Variants in FBRSL1 observed in about 807,000 individuals in gnomAD.
The protein encoded by FBRSL1 is fibrosin-1-like protein.
Under a neutral mutation model 89.6 loss-of-function variants are expected in FBRSL1, and 51 were observed. The observed-to-expected ratio is 0.57, with a 90% CI of 0.45 to 0.72. The LOEUF (loss-of-function observed/expected upper bound fraction) is 0.72. Among genes scored for constraint, FBRSL1 ranks in the 30% least tolerant of loss-of-function variants. The pLI is 0.00. For synonymous variants in FBRSL1, 779 were observed against 681.1 expected, an observed-to-expected ratio of 1.14 and a Z score of -2.24; for missense variants, 1,618 against 1,451.8, an observed-to-expected ratio of 1.11 and a Z score of -1.86.
At chr12:132,521,674 C>G (rs112760659) in intron 2 of FBRSL1, among the ~76,000 whole-genome samples, 1 of 152,090 alleles carries the variant, frequency 6.6e-6, no homozygotes, top group South Asian at 2.1e-4. Context: ...TGGTGTGATC[C>G]GATTGGTGTG....
Position 132,582,089 on chromosome 12 carries a change from A to G in FBRSL1, c.2024A>G (p.Lys675Arg), listed in dbSNP as rs551875184. The G allele has an allele frequency of 6.8e-5, 106 of 1,548,608 alleles. 1 individual carries two copies. The African/African-American group carries it at 1.2e-3, about 18-fold the overall frequency. ...CCCGGTGGCAGCATCTTTGCCCCCA[A>G]GGAGGGCTCCTCCGTGCACGGCCTG... Reference protein sequence around the residue: ...LAPGGSIFAPKEGSSVHGLPS... With the variant: ...LAPGGSIFAPREGSSVHGLPS... The change falls in exon 18 of 19, where the codon AAG becomes AGG. Residue 675 changes from lysine to arginine, a missense_variant. By Grantham distance (26) the Lys-to-Arg change is conservative. Transcript: ENST00000680143.
At chr12:132,520,075 C>G (rs1483699111) in intron 2 of FBRSL1, among the ~76,000 whole-genome samples, 1 of 149,722 alleles carries the variant, frequency 6.7e-6, no homozygotes, top group Non-Finnish European at 1.5e-5. Context: ...CCTCCAGCAC[C>G]CCCTCCTTGC....
chr12:132,533,085 C>T (rs988055084), intron 4 of FBRSL1, among the ~76,000 whole-genome samples: 1 of 152,250 alleles, frequency 6.6e-6, no homozygotes, highest in South Asian at 2.1e-4. Context: ...GCCACGGTCT[C>T]CTCCCAACCC....
intron 1 of FBRSL1, among the ~76,000 whole-genome samples, chr12:132,498,631 G>A (rs557260817): frequency 1.3e-5 from 2 of 152,376 alleles, no homozygotes; most frequent in South Asian, 4.1e-4. Flanking sequence ...TCCCCTGGGA[G>A]CTTTGGGAGG....
intron 2 of FBRSL1, chr12:132,510,462 C>T: frequency 8.1e-7 from 1 of 1,232,084 alleles, no homozygotes; most frequent in Admixed American, 4.2e-5. Context: ...GCAGGCACCT[C>T]CCCATATGGG....
chr12:132,499,443 G>T lies in FBRSL1; in HGVS notation c.291+8582G>T, dbSNP rs369069401. ...TAAGCATTTATTGAGCACCGGCTGT[G>T]TGCCAGGCCCTGGGCCGGCCCCCAA... On this transcript the variant is annotated intron_variant, in intron 1 of 18. Transcript: ENST00000680143. This position sits in a 1 kb window ranked among gnomAD's most constrained non-coding sequence, Gnocchi z 4.3. Among the ~76,000 whole-genome samples, 33 of 152,332 alleles carry T rather than the reference G, an allele frequency of 2.2e-4. No homozygotes were observed. In the East Asian group the frequency reaches 6.0e-3, roughly 28 times the overall value.
intron 2 of FBRSL1, chr12:132,510,390 C>T: frequency 8.1e-7 from 1 of 1,231,914 alleles, no homozygotes; most frequent in Non-Finnish European, 1.0e-6. Context: ...CCGGTGGACC[C>T]GATCCTGTGC....
intron 1 of FBRSL1, among the ~76,000 whole-genome samples, chr12:132,492,703 T>G (rs1180231203): frequency 6.6e-6 from 1 of 152,222 alleles, no homozygotes; most frequent in Non-Finnish European, 1.5e-5. Flanking sequence ...GACTTCGGCT[T>G]AGACCAGCTG....
intron 1 of FBRSL1, among the ~76,000 whole-genome samples, chr12:132,494,643 A>G (rs552095844): frequency 3.9e-5 from 6 of 152,324 alleles, no homozygotes; most frequent in African/African-American, 1.4e-4. Context: ...GGTGTCTGTG[A>G]TTTTTGGTTA....
chr12:132,531,643 C>T (rs10870462), intron 4 of FBRSL1, among the ~76,000 whole-genome samples: 14 of 151,438 alleles, frequency 9.2e-5, no homozygotes, highest in South Asian at 2.1e-4. Flanking sequence ...CATGGCGTTG[C>T]GTGTTGTGCA....
chr12:132,513,257 G>C (rs2136681251), intron 2 of FBRSL1, among the ~76,000 whole-genome samples: 1 of 152,364 alleles, frequency 6.6e-6, no homozygotes, highest in Non-Finnish European at 1.5e-5. Context: ...ACAGGCAGCA[G>C]ATTGGAGCCT....
chr12:132,569,449 G>A (rs1391994660), intron 6 of FBRSL1, among the ~76,000 whole-genome samples: 1 of 152,156 alleles, frequency 6.6e-6, no homozygotes, highest in Admixed American at 6.5e-5. Context: ...TGCTGTTGGG[G>A]TGGGGCAGAC....
chr12:132,492,836 T>C (rs973742641), intron 1 of FBRSL1, among the ~76,000 whole-genome samples: 5 of 152,268 alleles, frequency 3.3e-5, no homozygotes, highest in African/African-American at 4.8e-5. Flanking sequence ...GTACGGGGCT[T>C]CTGCACAAGT....
intron 18 of FBRSL1, among the ~76,000 whole-genome samples, chr12:132,582,602 G>A (rs1328211581): frequency 1.3e-5 from 2 of 151,944 alleles, no homozygotes; most frequent in African/African-American, 4.8e-5. Flanking sequence ...CCCCACCACA[G>A]GCACCCACAC....
chr12:132,529,241 C>T (rs1180449017), intron 4 of FBRSL1, among the ~76,000 whole-genome samples: 1 of 152,200 alleles, frequency 6.6e-6, no homozygotes, highest in African/African-American at 2.4e-5. Context: ...CAGGAATGAC[C>T]CAGTGTGGCC....
chr12:132,572,188 G>A (rs969482154), intron 9 of FBRSL1, 100 bp from the exon 10 acceptor site: 9 of 1,104,380 alleles, frequency 8.1e-6, no homozygotes, highest in African/African-American at 4.7e-5. Flanking sequence ...GAAGCACAAC[G>A]CCGTCCTGTC....
At chr12:132,509,203 A>C (rs1052621283) in intron 2 of FBRSL1, 11 of 1,248,134 alleles carry the variant, frequency 8.8e-6, no homozygotes, top group African/African-American at 1.6e-5. Context: ...CCAGCCAGCC[A>C]CTGGGACCAG....
At chr12:132,533,442 C>G (rs113331804) in intron 4 of FBRSL1, among the ~76,000 whole-genome samples, 8 of 149,550 alleles carry the variant, frequency 5.3e-5, no homozygotes, top group African/African-American at 2.0e-4. Context: ...AGTCAGAGAG[C>G]CACAGTCTCC....
In FBRSL1 at chr12:132,571,143, G is replaced by C; in HGVS notation, c.1289G>C (p.Trp430Ser). ...QPHSGILIGT[W>S]SQAPLLPAPL... Reference sequence around the variant, plus strand: ...CATTCGGGAATTCTGATTGGTACTTGGTCACAGGCTCCTCTCTTACCTGCA... The same window carrying C: ...CATTCGGGAATTCTGATTGGTACTTCGTCACAGGCTCCTCTCTTACCTGCA... The change falls in exon 9 of 19, where the codon TGG becomes TCG. Residue 430 changes from tryptophan (W) to serine (S), a missense_variant. Transcript: ENST00000680143. The C allele has an allele frequency of 7.2e-7, 1 of 1,394,120 alleles. No individual in the cohort carries two copies. The highest frequency in any genetic ancestry group is 9.3e-7 in the Non-Finnish European group (1 of 1,075,046). The allele number at this position is 1,394,120 out of a possible 1,614,324, so 86.4% of individuals were successfully genotyped here. A position where few individuals can be genotyped will look rare whatever the true frequency, so the allele number is the denominator to read the frequency against.
Sources: gnomAD v4.1 joint callset for allele counts (sites outside exome capture counted in the v4.1 genomes callset) on GRCh38, gnomAD v4.1.1 for gene constraint, Gnocchi (gnomAD v3.1) non-coding constraint, MANE v1.5 for transcripts, NCBI Gene and HGNC (gene_info 2026-07-23, HGNC 2026-07-21) for gene names.